UACA: variants seen among roughly 807,000 people sequenced by gnomAD.
UACA encodes the protein uveal autoantigen with coiled-coil domains and ankyrin repeats.
A neutral mutation model predicts 160.5 loss-of-function variants in UACA; 112 were observed. The observed-to-expected ratio is 0.70, with a 90% confidence interval of 0.60 to 0.82. The LOEUF (loss-of-function observed/expected upper bound fraction) is 0.82. UACA is among the 40% of genes least tolerant of loss of function. UACA has a pLI of 0.00. For missense variants in UACA, 1,574 were observed against 1,614.6 expected (o/e 0.97, Z 0.43); for synonymous variants, 557 against 568.4 (o/e 0.98, Z 0.29).
chr15:70,717,355 C>A (rs1898851783), intron 1 of UACA, among the ~76,000 whole-genome samples: 1 of 152,158 alleles, frequency 6.6e-6, no homozygotes, highest in South Asian at 2.1e-4. Context: ...CTATGTGTAA[C>A]CTTTAGAGTT....
chr15:70,740,107 TTAATC>T (rs1347356684), intron 1 of UACA, among the ~76,000 whole-genome samples: 1 of 152,228 alleles, frequency 6.6e-6, no homozygotes, highest in Admixed American at 6.5e-5. Flanking sequence ...GAAATATTTG[TTAATC>T]TAAATTGTTT....
At position 70,690,484 on chromosome 15, in the gene UACA, G is replaced by A; in HGVS notation, c.394C>T (p.Leu132=). Residue 132 remains leucine (L), a synonymous_variant, in exon 5 of 19, where the codon CTG becomes TTG. Coordinates refer to ENST00000322954, the MANE Select transcript of UACA (RefSeq NM_018003.4). ...QYNCPTEHAD[L]QGRTALHDAA... ...TCGTGAAGTGCAGTTCTTCCCTGCA[G>A]GTCTGCATGCTCAGTGGGACAATTG... 2.5e-6 allele frequency: 4 copies of A among 1,612,950 alleles called. No homozygotes were observed. Among genetic ancestry groups the A allele is most frequent in the Non-Finnish European group, 3.4e-6 (4 of 1,179,496 alleles).
intron 3 of UACA, among the ~76,000 whole-genome samples, 180 bp from the exon 4 acceptor site, chr15:70,691,543 G>A (rs990919223): frequency 6.6e-6 from 1 of 152,056 alleles, no homozygotes; most frequent in Non-Finnish European, 1.5e-5. Flanking sequence ...GATGATATAC[G>A]TACCAAAACA....
At chr15:70,703,662 A>C (rs1898442781) in intron 1 of UACA, among the ~76,000 whole-genome samples, 1 of 152,204 alleles carries the variant, frequency 6.6e-6, no homozygotes, top group Non-Finnish European at 1.5e-5. Context: ...GAGGGAAAAC[A>C]GTAACAAATA....
chr15:70,703,277 T>C (rs1898428796), intron 1 of UACA: 2 of 1,286,822 alleles, frequency 1.6e-6, no homozygotes, highest in Admixed American at 2.3e-5. Flanking sequence ...AATTGTTTCA[T>C]GGGAATGCAA....
chr15:70,667,642 T>C lies in UACA; in HGVS notation c.3042A>G (p.Gln1014=). 1 of 1,613,096 alleles carries C rather than the reference T, an allele frequency of 6.2e-7. No homozygotes were observed. The highest frequency in any genetic ancestry group is 8.5e-7 in the Non-Finnish European group (1 of 1,179,978). The change falls in exon 16 of 19, where the codon CAA becomes CAG. Residue 1014 remains glutamine (Q), a synonymous_variant. Coordinates refer to ENST00000322954, the MANE Select transcript of UACA (RefSeq NM_018003.4). ...CTTCTTCTTCACTGACACTATACTTTTGTGTCTGCTCTGATAACTGGTCTT... is the reference window on the plus strand; with the variant it reads ...CTTCTTCTTCACTGACACTATACTTCTGTGTCTGCTCTGATAACTGGTCTT... ...ELKDQLSEQT[Q]KYSVSEEEVK...
In UACA at chr15:70,660,188, A is replaced by G. The variant is rs1453514839; in HGVS notation, c.4142T>C (p.Ile1381Thr). ...AAGAAGGTGTGTCCGATAAATTGCA[A>G]TTACTTCTTGGTGCTGTCTGTCAGC... ...ADADRQHQEVIAIYRTHLLSA... is the reference protein window; with the variant it reads ...ADADRQHQEVTAIYRTHLLSA... The change falls in exon 18 of 19, where the codon ATT becomes ACT. Residue 1381 changes from isoleucine (I) to threonine (T), a missense_variant. Ile to Thr is a moderately conservative substitution (Grantham distance 89). Transcript: ENST00000322954. 1.2e-6 allele frequency: 2 copies of G among 1,613,616 alleles called. No individual in the cohort carries two copies. Among genetic ancestry groups the G allele is most frequent in the Non-Finnish European group, 1.7e-6 (2 of 1,179,682 alleles).
chr15:70,711,084 C>T (rs887794628), intron 1 of UACA, among the ~76,000 whole-genome samples: 9 of 152,208 alleles, frequency 5.9e-5, no homozygotes, highest in African/African-American at 2.2e-4. Context: ...TCTTATCTCT[C>T]TGGAGATTCC....
chr15:70,710,747 G>C (rs925748250), intron 1 of UACA, among the ~76,000 whole-genome samples: 2 of 152,232 alleles, frequency 1.3e-5, no homozygotes, highest in African/African-American at 4.8e-5. Context: ...CGATGCAAAA[G>C]GCAAAGAATG....
chr15:70,769,076 G>A, the UACA span, among the ~76,000 whole-genome samples: 1 of 151,578 alleles, frequency 6.6e-6, no homozygotes, highest in African/African-American at 2.4e-5. Context: ...TCTCACTTTC[G>A]GGCCCGGCGC....
At chr15:70,746,330 G>C (rs1183153362) in intron 1 of UACA, among the ~76,000 whole-genome samples, 1 of 152,108 alleles carries the variant, frequency 6.6e-6, no homozygotes, top group East Asian at 1.9e-4. Flanking sequence ...CAAAGGGTAA[G>C]AACAGACACT....
intron 1 of UACA, chr15:70,753,957 C>G (rs773706237): frequency 6.0e-5 from 22 of 365,944 alleles, no homozygotes; most frequent in Non-Finnish European, 1.2e-4. Context: ...AGGTGCCCAC[C>G]ACCATGCCTG....
At chr15:70,676,818 A>T (rs181971913) in intron 12 of UACA, among the ~76,000 whole-genome samples, 1 of 152,350 alleles carries the variant, frequency 6.6e-6, no homozygotes, top group Admixed American at 6.5e-5. Context: ...TCTGTTTTCA[A>T]TCTTAATGTT....
At chr15:70,749,174 G>C in intron 1 of UACA, 1 of 430,584 alleles carries the variant, frequency 2.3e-6, no homozygotes, top group Non-Finnish European at 4.7e-6. Flanking sequence ...GTGGATCCTA[G>C]TTCATTGTGC....
intron 1 of UACA, among the ~76,000 whole-genome samples, chr15:70,754,840 T>G (rs1307752722): frequency 6.6e-6 from 1 of 152,240 alleles, no homozygotes; most frequent in Admixed American, 6.5e-5. Context: ...TTTCTAATGA[T>G]ATAAAAGCTA....
In UACA at chr15:70,690,361, T is replaced by C. The variant is rs1055612966; in HGVS notation, c.424+93A>G. ...TTAATATTCTTTGTTTCTCCATGAA[T>C]TATATAAATATCTATGTGTTAAAAC... On this transcript the variant is annotated intron_variant, in intron 5 of 18. Coordinates refer to ENST00000322954, the MANE Select transcript of UACA (RefSeq NM_018003.4). 10 of 1,107,800 alleles carry C rather than the reference T, an allele frequency of 9.0e-6. No individual in the cohort carries two copies. In the African/African-American group the frequency reaches 1.6e-4, roughly 18 times the overall value. The allele number at this position is 1,107,800 out of a possible 1,614,324, so 68.6% of individuals were successfully genotyped here. A position where few individuals can be genotyped will look rare whatever the true frequency, so the allele number is the denominator to read the frequency against.
intron 1 of UACA, among the ~76,000 whole-genome samples, chr15:70,763,122 AC>A (rs1405124589): frequency 6.6e-6 from 1 of 152,032 alleles, no homozygotes; most frequent in Non-Finnish European, 1.5e-5. Context: ...TGGGGAAGAG[AC>A]CCGTAGAGGC....
At chr15:70,708,811 T>A (rs979586565) in intron 1 of UACA, among the ~76,000 whole-genome samples, 4 of 152,294 alleles carry the variant, frequency 2.6e-5, no homozygotes, top group African/African-American at 7.2e-5. Flanking sequence ...TTAATTTTTT[T>A]AAATCAATCA....
intron 3 of UACA, among the ~76,000 whole-genome samples, chr15:70,693,786 A>G (rs1382962633): frequency 6.6e-6 from 1 of 152,140 alleles, no homozygotes; most frequent in Non-Finnish European, 1.5e-5. Context: ...ATTGGGATCC[A>G]CACAATAAAT....
Sources: allele counts gnomAD v4.1 joint callset (sites outside exome capture counted in the v4.1 genomes callset), GRCh38; gene constraint gnomAD v4.1.1; transcripts MANE v1.5; gene names NCBI Gene and HGNC (gene_info 2026-07-23, HGNC 2026-07-21).